TACR1: variants seen among roughly 807,000 people sequenced by gnomAD.
The protein encoded by TACR1 is tachykinin receptor 1, also known as substance-P receptor.
TACR1 carries 25 observed loss-of-function variants against 35.8 expected under a neutral mutation model. The observed-to-expected ratio is 0.70, with a 90% CI of 0.51 to 0.98. TACR1 has a LOEUF of 0.98. TACR1 is among the 50% of genes least tolerant of loss of function. The pLI is 0.00. For missense variants in TACR1, 478 were observed against 522.9 expected, an observed-to-expected ratio of 0.91 and a Z score of 0.84; for synonymous variants, 195 against 206.7, an observed-to-expected ratio of 0.94 and a Z score of 0.48.
At chr2:75,140,456 T>C (rs77015059) in intron 1 of TACR1, among the ~76,000 whole-genome samples, 56 of 152,276 alleles carry the variant, frequency 3.7e-4, no homozygotes, top group African/African-American at 1.3e-3. Context: ...AAATGAGCAG[T>C]GGATGGAGTT....
intron 1 of TACR1, among the ~76,000 whole-genome samples, chr2:75,137,603 A>G (rs1259380176): frequency 6.6e-6 from 1 of 151,554 alleles, no homozygotes; most frequent in East Asian, 1.9e-4. Flanking sequence ...GTGGCGGGCG[A>G]CTGTAGTCCC....
In TACR1 at chr2:75,066,004, A is replaced by G. The variant is rs1672756262; in HGVS notation, c.585-12249T>C. Among the ~76,000 whole-genome samples, 3 of 152,180 alleles carry G rather than the reference A, an allele frequency of 2.0e-5. No homozygotes were observed. The South Asian group carries it at 6.2e-4, about 32-fold the overall frequency. ...TGTGCCCTGAAAATATGTACTCTCAACAAGACAAATCTTAATACAGCCACT... is the reference window on the plus strand; with the variant it reads ...TGTGCCCTGAAAATATGTACTCTCAGCAAGACAAATCTTAATACAGCCACT... On this transcript the variant is annotated intron_variant, in intron 2 of 4. Coordinates refer to ENST00000305249, the MANE Select transcript of TACR1 (RefSeq NM_001058.4).
chr2:75,068,363 T>C (rs750953927), intron 2 of TACR1, among the ~76,000 whole-genome samples: 7 of 152,178 alleles, frequency 4.6e-5, no homozygotes, highest in Non-Finnish European at 1.0e-4. Flanking sequence ...TCTTTGTAAA[T>C]GTTAATCGCG....
intron 1 of TACR1, among the ~76,000 whole-genome samples, chr2:75,193,373 C>T (rs1463783745): frequency 6.6e-6 from 1 of 152,214 alleles, no homozygotes; most frequent in East Asian, 1.9e-4. Flanking sequence ...TTTATTTCCT[C>T]TTACCATTCT....
Position 75,133,118 on chromosome 2 carries a change from C to T in TACR1, c.390-12350G>A, listed in dbSNP as rs890530583. 1.4e-4 allele frequency among the ~76,000 whole-genome samples: 21 copies of T among 152,312 alleles called. No individual in the cohort carries two copies. The East Asian group carries it at 4.1e-3, about 29-fold the overall frequency. Reference sequence around the variant, plus strand: ...TGAGTCAAGGTCAAGGTCAAAAGCCCTTAAGACAAAAGCCAGCTTCACTGC... The same window carrying T: ...TGAGTCAAGGTCAAGGTCAAAAGCCTTTAAGACAAAAGCCAGCTTCACTGC... On this transcript the variant is annotated intron_variant, in intron 1 of 4. Transcript: ENST00000305249.
intron 2 of TACR1, among the ~76,000 whole-genome samples, chr2:75,094,335 A>G (rs1166339164): frequency 6.6e-6 from 1 of 152,220 alleles, no homozygotes; most frequent in African/African-American, 2.4e-5. Context: ...CGGGTAAAGT[A>G]TTAAGAAAAT....
At chr2:75,125,473 C>T (rs903910025) in intron 1 of TACR1, among the ~76,000 whole-genome samples, 6 of 152,178 alleles carry the variant, frequency 3.9e-5, no homozygotes, top group African/African-American at 1.2e-4. Context: ...GCATGAGCCA[C>T]CGCGCCGGGC....
At chr2:75,082,169 T>G (rs1256600094) in intron 2 of TACR1, among the ~76,000 whole-genome samples, 1 of 152,046 alleles carries the variant, frequency 6.6e-6, no homozygotes, top group Non-Finnish European at 1.5e-5. Flanking sequence ...GAACATGCAG[T>G]GTTTGGTTTT....
intron 1 of TACR1, among the ~76,000 whole-genome samples, chr2:75,168,329 A>C (rs1002377791): frequency 1.3e-5 from 2 of 152,206 alleles, no homozygotes; most frequent in African/African-American, 4.8e-5. Flanking sequence ...GATGTCATTA[A>C]GTTAAGGGCC....
At chr2:75,142,937 G>C (rs1440128452) in intron 1 of TACR1, among the ~76,000 whole-genome samples, 1 of 152,162 alleles carries the variant, frequency 6.6e-6, no homozygotes, top group Non-Finnish European at 1.5e-5. Context: ...AGGTCTCACA[G>C]ACACAGTATA....
chr2:75,154,401 A>AGCGCGCGCGCGTGCGCGCGCGCGCGC (rs142809732), intron 1 of TACR1: 1 of 76,444 alleles, frequency 1.3e-5, no homozygotes, highest in Non-Finnish European at 2.7e-5. Context: ...ATCAGCCAAG[A>AGCGCGCGCGCGTGCGCGCGCGCGCGC]GCGCGCACGC....
chr2:75,179,006 A>G (rs1282413511), intron 1 of TACR1, among the ~76,000 whole-genome samples: 1 of 152,166 alleles, frequency 6.6e-6, no homozygotes, highest in Non-Finnish European at 1.5e-5. Flanking sequence ...TGTATCCCAG[A>G]CATTATTGCT....
chr2:75,083,162 G>A (rs1673124312), intron 2 of TACR1, among the ~76,000 whole-genome samples: 1 of 152,178 alleles, frequency 6.6e-6, no homozygotes, highest in Admixed American at 6.5e-5. Flanking sequence ...AGTTTTCCCA[G>A]CACCATTTGT....
intron 2 of TACR1, among the ~76,000 whole-genome samples, chr2:75,080,296 A>T (rs548164829): frequency 6.6e-6 from 1 of 152,278 alleles, no homozygotes; most frequent in Admixed American, 6.5e-5. Flanking sequence ...GCTCTTCAAG[A>T]GGCAGAACTC....
intron 1 of TACR1, among the ~76,000 whole-genome samples, chr2:75,138,567 C>T (rs1674341831): frequency 6.6e-6 from 1 of 152,150 alleles, no homozygotes; most frequent in Non-Finnish European, 1.5e-5. Context: ...GTGGGAGTGT[C>T]ACCCAGTTGA....
chr2:75,166,908 C>G (rs990261809), intron 1 of TACR1, among the ~76,000 whole-genome samples: 52 of 152,152 alleles, frequency 3.4e-4, no homozygotes, highest in Admixed American at 1.3e-4. Flanking sequence ...CCTTAGTGTT[C>G]TTATAATAAA....
rs1343032252 is a variant in TACR1 at position 75,047,784 on chromosome 2, G to A, written c.*1648C>T. 6.6e-6 allele frequency: 1 copy of A among 152,230 alleles called. No individual in the cohort carries two copies. The highest frequency in any genetic ancestry group is 1.5e-5 in the Non-Finnish European group (1 of 68,052). 9.4% of individuals were successfully genotyped at this position (152,230 alleles called of 1,614,324 possible). A position where few individuals can be genotyped will look rare whatever the true frequency, so the allele number is the denominator to read the frequency against. ...TACTGTTTCTTCTTCCCCCAGGCCT[G>A]TGGATGCCCTGGTAGAATTAGAGCC... On this transcript the variant is annotated 3_prime_UTR_variant, in exon 5 of 5. Transcript: ENST00000305249.
chr2:75,127,520 G>A (rs970370934), intron 1 of TACR1, among the ~76,000 whole-genome samples: 8 of 152,166 alleles, frequency 5.3e-5, no homozygotes, highest in African/African-American at 1.9e-4. Flanking sequence ...AAAGGTGCCA[G>A]CTGATAGCAA....
chr2:75,081,126 G>A (rs1398061937), intron 2 of TACR1, among the ~76,000 whole-genome samples: 1 of 152,158 alleles, frequency 6.6e-6, no homozygotes, highest in Non-Finnish European at 1.5e-5. Flanking sequence ...GAGGTGCTAG[G>A]AGGAATACAA....
Sources: gnomAD v4.1 joint callset for allele counts (sites outside exome capture counted in the v4.1 genomes callset) on GRCh38, gnomAD v4.1.1 for gene constraint, MANE v1.5 for transcripts, NCBI Gene and HGNC (gene_info 2026-07-23, HGNC 2026-07-21) for gene names.